Variants in PSMA3 observed in about 807,000 individuals in gnomAD.
The protein encoded by PSMA3 is proteasome subunit alpha type-3.
In PSMA3, 8 loss-of-function variants were observed where a neutral mutation model predicts 40.0. The ratio of observed to expected loss-of-function variants is 0.20; its 90% CI spans 0.12 to 0.36. The LOEUF (loss-of-function observed/expected upper bound fraction) is 0.36, where lower values mean the gene tolerates loss of function less well. PSMA3 is among the 10% of genes least tolerant of loss of function. PSMA3 has a pLI of 1.00. For missense variants in PSMA3, 219 were observed against 310.6 expected, an observed-to-expected ratio of 0.70 and a Z score of 2.22; for synonymous variants, 110 against 100.0, an observed-to-expected ratio of 1.10 and a Z score of -0.59.
chr14:58,251,526 A>T (rs1478523334), intron 2 of PSMA3, among the ~76,000 whole-genome samples: 1 of 152,182 alleles, frequency 6.6e-6, no homozygotes, highest in Non-Finnish European at 1.5e-5. Context: ...TCAGCATCCC[A>T]AAGTGCTGAG....
chr14:58,270,902 A>T, intron 9 of PSMA3, 32 bp from the exon 10 acceptor site: 1 of 1,535,882 alleles, frequency 6.5e-7, no homozygotes. Context: ...ACTCAATTTA[A>T]AATTCATTTA....
intron 7 of PSMA3, among the ~76,000 whole-genome samples, chr14:58,264,382 T>G (rs1197607893): frequency 2.6e-5 from 4 of 152,220 alleles, no homozygotes; most frequent in Non-Finnish European, 2.9e-5. Flanking sequence ...ACTACCCACT[T>G]TTTCTTTCAC....
chr14:58,248,549 G>A (rs2140078485), intron 2 of PSMA3, among the ~76,000 whole-genome samples: 1 of 152,350 alleles, frequency 6.6e-6, no homozygotes, highest in East Asian at 1.9e-4. Flanking sequence ...TTATAGGCGT[G>A]AGTCACTGTG....
intron 7 of PSMA3, chr14:58,267,149 A>G (rs1469716446): frequency 6.0e-6 from 1 of 166,860 alleles, no homozygotes. Flanking sequence ...ACAGGCGCGC[A>G]CCACCTCCAT....
chr14:58,258,746 T>G (rs1427989932), intron 5 of PSMA3, among the ~76,000 whole-genome samples: 1 of 152,126 alleles, frequency 6.6e-6, no homozygotes, highest in Non-Finnish European at 1.5e-5. Flanking sequence ...TGACTAGATT[T>G]TTCTAAAATG....
intron 2 of PSMA3, among the ~76,000 whole-genome samples, chr14:58,249,741 A>G (rs1358252340): frequency 6.6e-6 from 1 of 151,918 alleles, no homozygotes; most frequent in East Asian, 2.0e-4. Flanking sequence ...CCTGAGCCCA[A>G]GTGATCCGCC....
intron 1 of PSMA3, chr14:58,245,413 C>T (rs1035706127): frequency 6.1e-6 from 1 of 163,306 alleles, no homozygotes; most frequent in Admixed American, 5.9e-5. Context: ...AGATCATTGA[C>T]CGCTCAGTTT....
Position 58,252,320 on chromosome 14 carries a change from C to T in PSMA3, c.228+78C>T, listed in dbSNP as rs960499290. ...TAACTGATTGGAATAGATCACTGTG[C>T]AGTCACAAAAGTAATCAGAGCAAGT... On this transcript the variant is annotated intron_variant, in intron 3 of 10. Transcript: ENST00000216455. 5.3e-6 allele frequency: 8 copies of T among 1,504,480 alleles called. No individual in the cohort carries two copies. The African/African-American group carries it at 1.1e-4, about 21-fold the overall frequency. The allele number at this position is 1,504,480 out of a possible 1,614,324, so 93.2% of individuals were successfully genotyped here. A position where few individuals can be genotyped will look rare whatever the true frequency, so the allele number is the denominator to read the frequency against.
At chr14:58,251,253 G>A (rs534082340) in intron 2 of PSMA3, among the ~76,000 whole-genome samples, 1 of 152,262 alleles carries the variant, frequency 6.6e-6, no homozygotes, top group South Asian at 2.1e-4. Flanking sequence ...TCTTGAAATG[G>A]CAACAAGTAA....
At chr14:58,270,785 C>T in intron 9 of PSMA3, 149 bp from the exon 10 acceptor site, 1 of 780,036 alleles carries the variant, frequency 1.3e-6, no homozygotes, top group African/African-American at 1.8e-5. Flanking sequence ...GTAGAAGCAG[C>T]ACACAAAAAT....
In PSMA3 at chr14:58,244,919, C is replaced by T. The variant is rs758451337; in HGVS notation, c.-2C>T. 11 of 1,614,176 alleles carry T rather than the reference C, an allele frequency of 6.8e-6. No homozygotes were observed. Among genetic ancestry groups the T allele is most frequent in the African/African-American group, 1.3e-5 (1 of 75,050 alleles). The stretch of plus-strand genomic sequence containing the variant: ...CCTACGCGTCCCTTTGGGTTTAGCA[C>T]GATGAGCTCAATCGGCACTGGGGTG... On this transcript the variant is annotated 5_prime_UTR_variant, in exon 1 of 11. It adds an upstream start codon to the 5' untranslated region. Coordinates refer to ENST00000216455, the MANE Select transcript of PSMA3 (RefSeq NM_002788.4).
rs1264164338 is a variant in PSMA3, at chr14:58,267,537, C to T, written c.590+17C>T. ...TGCAAAAATGTAAGTTGAAATTTTT[C>T]TTACCATCCACAAAAATATTTCATT... is the stretch of plus-strand genomic sequence containing the variant. On this transcript the variant is annotated intron_variant, in intron 8 of 10. Transcript: ENST00000216455. 1.9e-6 allele frequency: 3 copies of T among 1,566,030 alleles called. No homozygotes were observed. The highest frequency in any genetic ancestry group is 2.5e-5 in the South Asian group (2 of 80,260).
chr14:58,257,852 T>A lies in PSMA3; in HGVS notation c.330+6T>A, dbSNP rs1362220378. 6.2e-7 allele frequency: 1 copy of A among 1,612,834 alleles called. No homozygotes were observed. The highest frequency in any genetic ancestry group is 2.2e-5 in the East Asian group (1 of 44,800). On this transcript the variant is annotated splice_donor_region_variant and intron_variant, in intron 4 of 10. Transcript: ENST00000216455. ...GCTACAACATTCCACTAAAAGTAAG[T>A]TGATAACATATTGAGGAACCTTTTG...
chr14:58,246,206 C>G (rs1442310548), intron 1 of PSMA3, among the ~76,000 whole-genome samples: 1 of 152,078 alleles, frequency 6.6e-6, no homozygotes, highest in Non-Finnish European at 1.5e-5. Context: ...CTTGACATGT[C>G]TGTTCACTTG....
intron 10 of PSMA3, among the ~76,000 whole-genome samples, chr14:58,271,341 T>TTC (rs1367741016): frequency 2.0e-5 from 3 of 146,404 alleles, no homozygotes; most frequent in African/African-American, 7.6e-5. Context: ...TTTTTTTTTT[T>TTC]TTTTTTGAGA....
At chr14:58,254,770 T>C (rs1331276443) in intron 3 of PSMA3, among the ~76,000 whole-genome samples, 1 of 152,148 alleles carries the variant, frequency 6.6e-6, no homozygotes, top group Admixed American at 6.6e-5. Flanking sequence ...GAAGATTCTT[T>C]AAGTGATGTA....
intron 7 of PSMA3, chr14:58,264,881 A>T (rs555653837): frequency 6.6e-6 from 1 of 152,284 alleles, no homozygotes; most frequent in East Asian, 1.9e-4. Flanking sequence ...TCCATTGCAC[A>T]CTTACTAGTA....
Position 58,244,905 on chromosome 14 carries a change from C to T in PSMA3, c.-16C>T. On this transcript the variant is annotated 5_prime_UTR_variant, in exon 1 of 11. Coordinates refer to ENST00000216455, the MANE Select transcript of PSMA3 (RefSeq NM_002788.4). ...CCGGGCCTGGAATCCCTACGCGTCC[C>T]TTTGGGTTTAGCACGATGAGCTCAA... The T allele has an allele frequency of 1.2e-6, 2 of 1,614,166 alleles. No homozygotes were observed. The highest frequency in any genetic ancestry group is 1.7e-6 in the Non-Finnish European group (2 of 1,180,020).
At chr14:58,259,099 CAA>C (rs1000610452) in intron 5 of PSMA3, among the ~76,000 whole-genome samples, 2 of 151,908 alleles carry the variant, frequency 1.3e-5, no homozygotes, top group African/African-American at 4.8e-5. Context: ...GGCTAATTAA[CAA>C]AATTTTTTTT....
Sources: allele counts gnomAD v4.1 joint callset (sites outside exome capture counted in the v4.1 genomes callset), GRCh38; gene constraint gnomAD v4.1.1; transcripts MANE v1.5; gene names NCBI Gene and HGNC (gene_info 2026-07-23, HGNC 2026-07-21).